The following PDE11A variants were observed in gnomAD, a reference collection of about 807,000 sequenced individuals.
PDE11A encodes dual 3',5'-cyclic-AMP and -GMP phosphodiesterase 11A.
PDE11A carries 100 observed loss-of-function variants against 100.5 expected under a neutral mutation model. That is an observed-to-expected ratio of 1.00 (90% CI 0.85 to 1.18). The LOEUF (loss-of-function observed/expected upper bound fraction) is 1.18. PDE11A is among the 50% of genes most tolerant of loss of function. The probability of loss-of-function intolerance (pLI) is 0.00; values close to 1 mark genes in which losing one functional copy is unlikely to be tolerated. For synonymous variants in PDE11A, 381 were observed against 420.8 expected, an observed-to-expected ratio of 0.91 and a Z score of 1.16; for missense variants, 1,141 against 1,152.6, an observed-to-expected ratio of 0.99 and a Z score of 0.15.
intron 1 of PDE11A, among the ~76,000 whole-genome samples, chr2:178,047,462 CA>C (rs1252755818): frequency 0.044 from 4,643 of 104,834 alleles, 80 homozygotes; most frequent in Non-Finnish European, 0.06. Flanking sequence ...GAGTCTGTCT[CA>C]AAAAAAAAAA....
At chr2:177,667,456 C>A (rs181675325) in intron 18 of PDE11A, among the ~76,000 whole-genome samples, 4 of 152,252 alleles carry the variant, frequency 2.6e-5, no homozygotes, top group Admixed American at 1.3e-4. Context: ...CAACTTCATT[C>A]TTTTGCCTGT....
chr2:178,099,490 C>G (rs1172868868), intron 2 of PDE11A, among the ~76,000 whole-genome samples: 1 of 144,450 alleles, frequency 6.9e-6, no homozygotes, highest in Non-Finnish European at 1.5e-5. Context: ...AAGAAAAACA[C>G]AGTATATATG....
chr2:177,944,961 C>T (rs2085389602), intron 2 of PDE11A, among the ~76,000 whole-genome samples: 1 of 149,870 alleles, frequency 6.7e-6, no homozygotes, highest in Non-Finnish European at 1.5e-5. Flanking sequence ...CTGCTGAGTG[C>T]CTGCCATTGC....
At position 177,934,166 on chromosome 2, in the gene PDE11A, A is replaced by G. The variant is rs150614909; in HGVS notation, c.1072-28979T>C. Among the ~76,000 whole-genome samples, 662 of 152,342 alleles carry G rather than the reference A, an allele frequency of 4.3e-3. 4 individuals are homozygous for G. Among genetic ancestry groups the G allele is most frequent in the Non-Finnish European group, 7.6e-3 (515 of 68,028 alleles). ...TCTTATTAAACTATAGAGCTTCTGC[A>G]CAACAAAAGAAACCATCAACAGAGT... On this transcript the variant is annotated intron_variant, in intron 2 of 19. Transcript: ENST00000286063.
intron 7 of PDE11A, among the ~76,000 whole-genome samples, chr2:177,819,860 T>TTCTCTTTCTCTCTCTC (rs60572849): frequency 0.035 from 3,499 of 101,232 alleles, 117 homozygotes; most frequent in South Asian, 0.064. Flanking sequence ...CTTTCTCTCT[T>TTCTCTTTCTCTCTCTC]TCTCTCTTTC....
intron 12 of PDE11A, among the ~76,000 whole-genome samples, chr2:177,718,025 A>G (rs2081468522): frequency 1.3e-5 from 2 of 152,248 alleles, no homozygotes; most frequent in Admixed American, 6.5e-5. Flanking sequence ...AGATGGTGCT[A>G]TAGACAATTT....
chr2:177,820,826 G>A (rs1026831940), intron 6 of PDE11A, among the ~76,000 whole-genome samples: 1 of 143,672 alleles, frequency 7.0e-6, no homozygotes, highest in East Asian at 2.0e-4. Context: ...TAGAGGTAGA[G>A]GTTTGAATAT....
At chr2:177,826,343 T>C (rs542147341) in intron 6 of PDE11A, among the ~76,000 whole-genome samples, 1 of 152,244 alleles carries the variant, frequency 6.6e-6, no homozygotes, top group Non-Finnish European at 1.5e-5. Flanking sequence ...AATATAATAC[T>C]ATTTATTAAT....
chr2:177,787,871 C>A (rs975632139), intron 9 of PDE11A, among the ~76,000 whole-genome samples: 3 of 152,156 alleles, frequency 2.0e-5, no homozygotes, highest in Non-Finnish European at 4.4e-5. Flanking sequence ...AATACAGGAG[C>A]ACCCAGATTC....
At chr2:177,647,994 C>T (rs2080249478) in intron 19 of PDE11A, among the ~76,000 whole-genome samples, 1 of 151,946 alleles carries the variant, frequency 6.6e-6, no homozygotes, top group African/African-American at 2.4e-5. Context: ...CACCTGCAAT[C>T]CTAGCTACTC....
chr2:177,643,013 G>C (rs1187110982), intron 19 of PDE11A, among the ~76,000 whole-genome samples: 2 of 152,132 alleles, frequency 1.3e-5, no homozygotes, highest in Non-Finnish European at 2.9e-5. Context: ...ATGACTGTGA[G>C]GCCTCCCCAG....
intron 9 of PDE11A, among the ~76,000 whole-genome samples, chr2:177,786,156 C>T (rs2082534039): frequency 2.0e-5 from 3 of 152,230 alleles, no homozygotes; most frequent in Admixed American, 1.3e-4. Context: ...GGCAGACTGA[C>T]ACCTCACACG....
intron 5 of PDE11A, among the ~76,000 whole-genome samples, chr2:177,875,163 G>A (rs1574240981): frequency 6.6e-6 from 1 of 152,096 alleles, no homozygotes; most frequent in African/African-American, 2.4e-5. Flanking sequence ...GGCAGAGGCT[G>A]CAGTGAGCCA....
At chr2:177,734,864 T>G (rs1053278934) in intron 10 of PDE11A, among the ~76,000 whole-genome samples, 1 of 152,226 alleles carries the variant, frequency 6.6e-6, no homozygotes, top group Admixed American at 6.5e-5. Context: ...ATTTTTATAC[T>G]GATAGCAGCC....
Position 177,886,951 on chromosome 2 carries a change from CAGA to C in PDE11A, c.1303-11031_1303-11029del. On this transcript the variant is annotated intron_variant, in intron 4 of 19. Transcript: ENST00000286063. ...ATGTAGGCCTGCTGAACTCCAAGTC[CAGA>C]AACAGGCTGGCAGTGATGGTCGGAA... Among the ~76,000 whole-genome samples, 2 of 152,120 alleles carry C rather than the reference CAGA, an allele frequency of 1.3e-5. 1 individual carries two copies. The highest frequency in any genetic ancestry group is 4.2e-4 in the South Asian group (2 of 4,818).
chr2:177,997,953 C>T, intron 2 of PDE11A: 1 of 1,204,734 alleles, frequency 8.3e-7, no homozygotes, highest in Non-Finnish European at 1.2e-6. Context: ...CTGCGGTAGT[C>T]AAGATACCAA....
rs538633795 is a variant in PDE11A, at chr2:178,010,799, G to A, written c.1071+3503C>T. The stretch of plus-strand genomic sequence containing the variant: ...ATGTAAGAAATAACTGGGTTAAAAC[G>A]TAGAATGCAAATTAGTACATATAAG... On this transcript the variant is annotated intron_variant, in intron 2 of 19. Transcript: ENST00000286063. 9.2e-5 allele frequency among the ~76,000 whole-genome samples: 14 copies of A among 152,260 alleles called. No individual in the cohort carries two copies. The South Asian group carries it at 2.3e-3, about 25-fold the overall frequency.
intron 2 of PDE11A, chr2:177,997,688 T>C: frequency 2.6e-6 from 4 of 1,553,438 alleles, no homozygotes; most frequent in Non-Finnish European, 3.6e-6. Flanking sequence ...AGTTTGGCTG[T>C]TAAGAAATCT....
chr2:178,057,671 C>A (rs1464803904), intron 1 of PDE11A, among the ~76,000 whole-genome samples: 1 of 152,158 alleles, frequency 6.6e-6, no homozygotes, highest in Non-Finnish European at 1.5e-5. Context: ...TCCTTCCAAC[C>A]TTGTTCATTC....
Sources: allele counts gnomAD v4.1 joint callset (sites outside exome capture counted in the v4.1 genomes callset), GRCh38; gene constraint gnomAD v4.1.1; transcripts MANE v1.5; gene names NCBI Gene and HGNC (gene_info 2026-07-23, HGNC 2026-07-21).